Variants in ADCY2 observed in about 807,000 individuals in gnomAD.
ADCY2 encodes the protein adenylate cyclase 2.
ADCY2 carries 31 observed loss-of-function variants against 125.2 expected under a neutral mutation model. The ratio of observed to expected loss-of-function variants is 0.25; its 90% CI spans 0.19 to 0.33. ADCY2 has a LOEUF of 0.33. ADCY2 is among the 10% of genes least tolerant of loss of function. The pLI, the probability that ADCY2 is intolerant of heterozygous loss-of-function variation, is 1.00. For synonymous variants in ADCY2, 512 were observed against 548.4 expected (o/e 0.93, Z 0.93); for missense variants, 904 against 1,418.2 (o/e 0.64, Z 5.82).
At chr5:7,685,271 C>T (rs181050858) in intron 4 of ADCY2, 7 of 152,374 alleles carry the variant, frequency 4.6e-5, no homozygotes, top group Admixed American at 2.0e-4. Flanking sequence ...ATCTCTAGGA[C>T]GGTGGAAAGT....
chr5:7,648,201 G>T (rs1194562581), intron 4 of ADCY2, among the ~76,000 whole-genome samples: 2 of 151,890 alleles, frequency 1.3e-5, no homozygotes, highest in Non-Finnish European at 2.9e-5. Flanking sequence ...GTAATTTTCA[G>T]GTATTTTCTA....
rs200173053 is a variant in ADCY2, at chr5:7,804,602, A to G, written c.2793A>G (p.Lys931=). 359 of 1,614,012 alleles carry G rather than the reference A, an allele frequency of 2.2e-4. No homozygotes were observed. The highest frequency in any genetic ancestry group is 3.8e-4 in the Admixed American group (23 of 60,004). Residue 931 remains lysine (K), a synonymous_variant, in exon 22 of 25, where the codon AAA becomes AAG. Coordinates refer to ENST00000338316, the MANE Select transcript of ADCY2 (RefSeq NM_020546.3). ...CTTCACAGCTTCTTTCCAAGCCAAA[A>G]TTCAGTGGAGTTGAAAAGATTAAGA... ...ADFDDLLSKP[K]FSGVEKIKTI... is the part of the protein sequence containing the mutation.
At chr5:7,511,613 A>G (rs1744062847) in intron 2 of ADCY2, among the ~76,000 whole-genome samples, 1 of 152,070 alleles carries the variant, frequency 6.6e-6, no homozygotes, top group Non-Finnish European at 1.5e-5. Context: ...AGCAAGAAAG[A>G]AAACGAGGGG....
intron 1 of ADCY2, among the ~76,000 whole-genome samples, chr5:7,398,854 A>G (rs1013841269): frequency 2.0e-5 from 3 of 152,188 alleles, no homozygotes; most frequent in Non-Finnish European, 2.9e-5. Context: ...GCCTGTTTCT[A>G]TTTTGATTTT....
At chr5:7,748,315 G>A (rs982431503) in intron 15 of ADCY2, among the ~76,000 whole-genome samples, 1 of 152,114 alleles carries the variant, frequency 6.6e-6, no homozygotes, top group African/African-American at 2.4e-5. Flanking sequence ...CATTCACCAT[G>A]ATTCCTTGAC....
At chr5:7,602,717 GT>G (rs1284370140) in intron 3 of ADCY2, among the ~76,000 whole-genome samples, 1 of 152,078 alleles carries the variant, frequency 6.6e-6, no homozygotes, top group East Asian at 1.9e-4. Flanking sequence ...GCTTTTGTAG[GT>G]GGTCTCAATT....
chr5:7,525,655 ATGTGTG>A lies in ADCY2; in HGVS notation c.570+4776_570+4781del, dbSNP rs34875401. On this transcript the variant is annotated intron_variant, in intron 3 of 24. Coordinates refer to ENST00000338316, the MANE Select transcript of ADCY2 (RefSeq NM_020546.3). ...ACACACATTTACATCTACATTATAGATGTGTGTGTGTGTGTGTGTGTGTGTTTGTAT... is the reference window on the plus strand; with the variant it reads ...ACACACATTTACATCTACATTATAGATGTGTGTGTGTGTGTGTGTTTGTAT... Among the ~76,000 whole-genome samples, 709 of 150,470 alleles carry A rather than the reference ATGTGTG, an allele frequency of 4.7e-3. 3 individuals are homozygous for A. Among genetic ancestry groups the A allele is most frequent in the Non-Finnish European group, 5.5e-3 (374 of 67,530 alleles).
At chr5:7,826,691 C>G in intron 24 of ADCY2, 28 bp from the exon 25 acceptor site, 1 of 1,613,750 alleles carries the variant, frequency 6.2e-7, no homozygotes, top group Non-Finnish European at 8.5e-7. Context: ...GTACTAAGCC[C>G]GTTTTCCCGT....
At chr5:7,498,537 C>T (rs1257857024) in intron 2 of ADCY2, among the ~76,000 whole-genome samples, 5 of 152,020 alleles carry the variant, frequency 3.3e-5, no homozygotes, top group African/African-American at 7.2e-5. Flanking sequence ...CGTGAGCCAC[C>T]GTGCCCGGCC....
At chr5:7,591,857 G>A (rs1736858854) in intron 3 of ADCY2, among the ~76,000 whole-genome samples, 1 of 152,168 alleles carries the variant, frequency 6.6e-6, no homozygotes, top group African/African-American at 2.4e-5. Context: ...TTTCCTGGCT[G>A]CTGGTGAGAC....
At chr5:7,712,967 A>G in intron 11 of ADCY2, 68 bp downstream of exon 11, 1 of 1,216,672 alleles carries the variant, frequency 8.2e-7, no homozygotes. Flanking sequence ...AGTAATTATC[A>G]TCAATTATGG....
intron 17 of ADCY2, among the ~76,000 whole-genome samples, chr5:7,767,495 C>T (rs1743419745): frequency 2.0e-5 from 3 of 151,860 alleles, no homozygotes; most frequent in South Asian, 4.2e-4. Context: ...GTTTAGTTTC[C>T]GTGTCAAATA....
intron 2 of ADCY2, among the ~76,000 whole-genome samples, chr5:7,512,339 G>A (rs906042437): frequency 4.0e-5 from 6 of 151,790 alleles, no homozygotes; most frequent in Admixed American, 1.3e-4. Flanking sequence ...TTCATTCTAG[G>A]GGACACTGGT....
intron 3 of ADCY2, among the ~76,000 whole-genome samples, chr5:7,568,464 T>C (rs981103104): frequency 6.6e-5 from 10 of 152,124 alleles, no homozygotes; most frequent in Middle Eastern, 3.4e-3. Flanking sequence ...TCTTGGGTCA[T>C]GGAAATTTTG....
At chr5:7,453,794 G>A (rs1336403903) in intron 2 of ADCY2, among the ~76,000 whole-genome samples, 1 of 152,090 alleles carries the variant, frequency 6.6e-6, no homozygotes, top group African/African-American at 2.4e-5. Flanking sequence ...CTTGGGAGGG[G>A]AGCATGCAGA....
intron 1 of ADCY2, among the ~76,000 whole-genome samples, chr5:7,399,263 A>C (rs1579403495): frequency 1.3e-5 from 2 of 152,322 alleles, no homozygotes; most frequent in South Asian, 2.1e-4. Context: ...TGCTTAAAGC[A>C]CATCCCTAGC....
chr5:7,823,879 A>G (rs1238069489), intron 24 of ADCY2, among the ~76,000 whole-genome samples: 1 of 152,054 alleles, frequency 6.6e-6, no homozygotes, highest in Non-Finnish European at 1.5e-5. Flanking sequence ...GGGCTTCATA[A>G]AGCTCCATGC....
At chr5:7,499,695 GTA>G (rs1415753053) in intron 2 of ADCY2, among the ~76,000 whole-genome samples, 1 of 121,096 alleles carries the variant, frequency 8.3e-6, no homozygotes, top group Non-Finnish European at 1.8e-5. Context: ...ATATATATGT[GTA>G]TATATATGTA....
At chr5:7,808,599 C>T (rs973699985) in intron 22 of ADCY2, among the ~76,000 whole-genome samples, 1 of 152,166 alleles carries the variant, frequency 6.6e-6, no homozygotes, top group Admixed American at 6.5e-5. Context: ...CTAGGGAAAA[C>T]AAGTAGCCAT....
Sources: gnomAD v4.1 joint callset for allele counts (sites outside exome capture counted in the v4.1 genomes callset) on GRCh38, gnomAD v4.1.1 for gene constraint, MANE v1.5 for transcripts, NCBI Gene and HGNC (gene_info 2026-07-23, HGNC 2026-07-21) for gene names.